MRPS33: variants seen among roughly 807,000 people sequenced by gnomAD.
MRPS33 encodes the protein small ribosomal subunit protein mS33.
MRPS33 carries 11 observed loss-of-function variants against 11.2 expected under a neutral mutation model. The ratio of observed to expected loss-of-function variants is 0.99; its 90% CI spans 0.62 to 1.63. The LOEUF (loss-of-function observed/expected upper bound fraction) is 1.63. MRPS33 is among the 40% of genes most tolerant of loss of function. The pLI is 0.00. For synonymous variants in MRPS33, 46 were observed against 44.0 expected (o/e 1.05, Z -0.18); for missense variants, 109 against 127.8 (o/e 0.85, Z 0.71).
intron 1 of MRPS33, among the ~76,000 whole-genome samples, chr7:141,011,655 T>C (rs1314810866): frequency 6.6e-6 from 1 of 152,042 alleles, no homozygotes; most frequent in Non-Finnish European, 1.5e-5. Flanking sequence ...TCAGAGACTA[T>C]CCTGGGAAAC....
At chr7:141,013,931 G>T (rs1210436507) in intron 1 of MRPS33, among the ~76,000 whole-genome samples, 1 of 152,120 alleles carries the variant, frequency 6.6e-6, no homozygotes, top group African/African-American at 2.4e-5. Context: ...GTTCTTAACC[G>T]GGATGTGCTT....
chr7:141,002,661 G>A lies in MRPS33; in HGVS notation c.*3769C>T, dbSNP rs1019449987. Reference sequence around the variant, plus strand: ...CTTGGAAAATGATTTATAAATACAAGCATTATGGTTATATATGTTTAAATA... The same window carrying A: ...CTTGGAAAATGATTTATAAATACAAACATTATGGTTATATATGTTTAAATA... On this transcript the variant is annotated 3_prime_UTR_variant, in exon 3 of 3. Transcript: ENST00000324787. The A allele has an allele frequency of 5.1e-5, 13 of 252,520 alleles. No individual in the cohort carries two copies. The East Asian group carries it at 1.2e-3, about 23-fold the overall frequency. The allele number at this position is 252,520 out of a possible 1,614,324, so 15.6% of individuals were successfully genotyped here.
chr7:141,014,748 G>A (rs1371307271), intron 1 of MRPS33, 163 bp downstream of exon 1: 2 of 152,212 alleles, frequency 1.3e-5, no homozygotes, highest in Admixed American at 1.3e-4. Context: ...AACTGAGGCA[G>A]AAAAAGGCCA....
intron 2 of MRPS33, 80 bp from the exon 3 acceptor site, chr7:141,006,615 T>C: frequency 8.7e-7 from 1 of 1,146,382 alleles, no homozygotes; most frequent in Non-Finnish European, 1.3e-6. Context: ...CACTGCTCTC[T>C]TAGGTCATTC....
chr7:141,008,768 T>C (rs1339292080), intron 2 of MRPS33, among the ~76,000 whole-genome samples: 1 of 151,904 alleles, frequency 6.6e-6, no homozygotes, highest in African/African-American at 2.4e-5. Context: ...TCTTTTGTAA[T>C]GGGCATGTAT....
rs117939896 is a variant in MRPS33, at chr7:141,007,014, C to G, written c.216-479G>C. ...GAAACCTTAGTGGCAGCAGGTAACT[C>G]ACACAAAAAGGCTGCTGGGGAAAGG... On this transcript the variant is annotated intron_variant, in intron 2 of 2. Transcript: ENST00000324787. Among the ~76,000 whole-genome samples, 727 of 152,230 alleles carry G rather than the reference C, an allele frequency of 4.8e-3. 9 individuals are homozygous for G. Among genetic ancestry groups the G allele is most frequent in the Non-Finnish European group, 8.4e-3 (571 of 68,026 alleles).
In MRPS33 at chr7:141,010,596, C is replaced by T. The variant is rs61740816; in HGVS notation, c.38G>A (p.Arg13His). 4.3e-3 allele frequency: 6,929 copies of T among 1,614,096 alleles called. 255 individuals carry two copies. In the African/African-American group the frequency reaches 0.082, roughly 19 times the overall value. ...TTCACCAAATAGCCGGGCACTGAGA[C>T]GAGACATGCGGAAGGCATATTCTGA... ...SLSEYAFRMS[R>H]LSARLFGEVT... The change falls in exon 2 of 3, where the codon CGT becomes CAT. Residue 13 changes from arginine (R) to histidine (H), a missense_variant. Physicochemically the swap from Arg to His is conservative, Grantham distance 29 (BLOSUM62 0). Coordinates refer to ENST00000324787, the MANE Select transcript of MRPS33 (RefSeq NM_053035.3).
intron 2 of MRPS33, among the ~76,000 whole-genome samples, chr7:141,008,832 G>A (rs548634647): frequency 4.0e-4 from 58 of 146,230 alleles, no homozygotes; most frequent in African/African-American, 1.3e-3. Flanking sequence ...ACCGAATCTC[G>A]CTCTGTTGCT....
intron 2 of MRPS33, among the ~76,000 whole-genome samples, chr7:141,008,272 G>GA (rs1335658679): frequency 1.3e-5 from 2 of 152,174 alleles, no homozygotes; most frequent in African/African-American, 4.8e-5. Context: ...CAAACAGACA[G>GA]CAGCAGCAAA....
chr7:141,010,465 T>C lies in MRPS33; in HGVS notation c.169A>G (p.Thr57Ala). Residue 57 changes from threonine (T) to alanine (A), a missense_variant, in exon 2 of 3, where the codon ACT (threonine) becomes GCT (alanine). Thr to Ala is a moderately conservative substitution (Grantham distance 58). Coordinates refer to ENST00000324787, the MANE Select transcript of MRPS33 (RefSeq NM_053035.3). ...AGCGTCTGCATGAGTTCAGCGTAAG[T>C]GTGGTGATTTGGATACCAATCATAA... Reference protein sequence around the residue: ...ETYDWYPNHHTYAELMQTLRF... With the variant: ...ETYDWYPNHHAYAELMQTLRF... 6.2e-7 allele frequency: 1 copy of C among 1,614,216 alleles called. No individual in the cohort carries two copies. Among genetic ancestry groups the C allele is most frequent in the Non-Finnish European group, 8.5e-7 (1 of 1,180,034 alleles).
At chr7:141,011,268 T>C (rs1242734911) in intron 1 of MRPS33, among the ~76,000 whole-genome samples, 1 of 152,176 alleles carries the variant, frequency 6.6e-6, no homozygotes, top group Non-Finnish European at 1.5e-5. Context: ...AGTAGCCCTA[T>C]AAAAATAAAT....
chr7:141,006,502 T>C lies in MRPS33; in HGVS notation c.249A>G (p.Lys83=). 1 of 1,613,948 alleles carries C rather than the reference T, an allele frequency of 6.2e-7. No individual in the cohort carries two copies. The highest frequency in any genetic ancestry group is 8.5e-7 in the Non-Finnish European group (1 of 1,180,024). Residue 83 remains lysine, a synonymous_variant, in exon 3 of 3, where the codon AAA becomes AAG. Coordinates refer to ENST00000324787, the MANE Select transcript of MRPS33 (RefSeq NM_053035.3). ...CCTTTCCACGAAGCTTCTTTAGTCG[T>C]TTTTGCTCATCCATAAAATCCTGAT... The part of the protein sequence containing the change: ...DEHQDFMDEQ[K]RLKKLRGKEK...
Position 141,005,170 on chromosome 7 carries a change from A to C in MRPS33, c.*1260T>G, listed in dbSNP as rs1307703679. 2 of 152,212 alleles carry C rather than the reference A, an allele frequency of 1.3e-5. No homozygotes were observed. The highest frequency in any genetic ancestry group is 2.9e-5 in the Non-Finnish European group (2 of 68,052). 9.4% of individuals were successfully genotyped at this position (152,212 alleles called of 1,614,324 possible). On this transcript the variant is annotated 3_prime_UTR_variant, in exon 3 of 3. Transcript: ENST00000324787. ...TAGTTATGTTCAAGCTTTTCCACAG[A>C]ATTTCCAAAGCCCTTCATGATCTGG...
chr7:141,004,634 C>G lies in MRPS33; in HGVS notation c.*1796G>C, dbSNP rs1002875093. The stretch of plus-strand genomic sequence containing the variant: ...GTTTGAATATTGACACTATTGTACA[C>G]TTAAATATGGTTAAGATCATTAATT... On this transcript the variant is annotated 3_prime_UTR_variant, in exon 3 of 3. Transcript: ENST00000324787. 2 of 151,994 alleles carry G rather than the reference C, an allele frequency of 1.3e-5. No individual in the cohort carries two copies. Among genetic ancestry groups the G allele is most frequent in the East Asian group, 1.9e-4 (1 of 5,188 alleles). 9.4% of individuals were successfully genotyped at this position (151,994 alleles called of 1,614,324 possible). A position where few individuals can be genotyped will look rare whatever the true frequency, so the allele number is the denominator to read the frequency against.
intron 2 of MRPS33, among the ~76,000 whole-genome samples, chr7:141,008,355 A>C (rs577877624): frequency 6.6e-6 from 1 of 152,314 alleles, no homozygotes; most frequent in East Asian, 1.9e-4. Flanking sequence ...CTGCCTCCCA[A>C]TATTTTATTT....
intron 2 of MRPS33, among the ~76,000 whole-genome samples, chr7:141,008,113 G>A (rs1820579901): frequency 6.6e-6 from 1 of 152,146 alleles, no homozygotes; most frequent in Non-Finnish European, 1.5e-5. Context: ...ATTGGAGACT[G>A]TCTAGTTTCA....
Position 141,010,476 on chromosome 7 carries a change from G to T in MRPS33, c.158C>A (p.Pro53Gln), listed in dbSNP as rs1373418847. The change falls in exon 2 of 3, where the codon CCA (proline) becomes CAA (glutamine). Residue 53 changes from proline (P) to glutamine (Q), a missense_variant. Pro to Gln is a moderately conservative substitution (Grantham distance 76). Coordinates refer to ENST00000324787, the MANE Select transcript of MRPS33 (RefSeq NM_053035.3). ...AKKKETYDWY[P>Q]NHHTYAELMQ... ...GAGTTCAGCGTAAGTGTGGTGATTT[G>T]GATACCAATCATAAGTCTCCTTCTT... is the stretch of plus-strand genomic sequence containing the variant. 1 of 1,613,982 alleles carries T rather than the reference G, an allele frequency of 6.2e-7. No individual in the cohort carries two copies. The highest frequency in any genetic ancestry group is 8.5e-7 in the Non-Finnish European group (1 of 1,180,038).
In MRPS33 at chr7:141,006,487, A is replaced by T; in HGVS notation, c.264T>A (p.Leu88=). ...FMDEQKRLKK[L]RGKEKPKKGE... is the part of the protein sequence containing the mutation. ...CTTTCTTTGGTTTCTCCTTTCCACGAAGCTTCTTTAGTCGTTTTTGCTCAT... is the reference window on the plus strand; with the variant it reads ...CTTTCTTTGGTTTCTCCTTTCCACGTAGCTTCTTTAGTCGTTTTTGCTCAT... The change falls in exon 3 of 3, where the codon CTT becomes CTA. Residue 88 remains leucine (L), a synonymous_variant. Coordinates refer to ENST00000324787, the MANE Select transcript of MRPS33 (RefSeq NM_053035.3). 1 of 1,614,090 alleles carries T rather than the reference A, an allele frequency of 6.2e-7. No homozygotes were observed. The highest frequency in any genetic ancestry group is 8.5e-7 in the Non-Finnish European group (1 of 1,180,036).
Position 141,003,877 on chromosome 7 carries a change from C to T in MRPS33, c.*2553G>A, listed in dbSNP as rs377457628. On this transcript the variant is annotated 3_prime_UTR_variant, in exon 3 of 3. Coordinates refer to ENST00000324787, the MANE Select transcript of MRPS33 (RefSeq NM_053035.3). ...CAGTGCATCTGCACTTTTCTAAGCA[C>T]GTTTCTGAGATCTTGCCAATACTTT... The T allele has an allele frequency of 6.6e-6, 1 of 152,248 alleles. No homozygotes were observed. Among genetic ancestry groups the T allele is most frequent in the Non-Finnish European group, 1.5e-5 (1 of 68,068 alleles). 9.4% of individuals were successfully genotyped at this position (152,248 alleles called of 1,614,324 possible).
Sources: gnomAD v4.1 joint callset for allele counts (sites outside exome capture counted in the v4.1 genomes callset) on GRCh38, gnomAD v4.1.1 for gene constraint, MANE v1.5 for transcripts, NCBI Gene and HGNC (gene_info 2026-07-23, HGNC 2026-07-21) for gene names.